TBXAS1: variants seen among roughly 807,000 people sequenced by gnomAD.
TBXAS1 encodes thromboxane A synthase 1.
In TBXAS1, 48 loss-of-function variants were observed where a neutral mutation model predicts 60.7. That is an observed-to-expected ratio of 0.79 (90% CI 0.63 to 1.01). TBXAS1 has a LOEUF of 1.01. TBXAS1 is among the 50% of genes least tolerant of loss of function. TBXAS1 has a pLI of 0.00. For missense variants in TBXAS1, 685 were observed against 686.3 expected (o/e 1.00, Z 0.02); for synonymous variants, 287 against 269.7 (o/e 1.06, Z -0.63).
chr7:139,976,684 G>A (rs764462396), intron 9 of TBXAS1, among the ~76,000 whole-genome samples: 6 of 152,098 alleles, frequency 3.9e-5, no homozygotes, highest in Non-Finnish European at 7.4e-5. Context: ...ATTGGGTTCC[G>A]CCCCTGGAGA....
At chr7:139,940,582 C>T (rs981386542) in intron 5 of TBXAS1, among the ~76,000 whole-genome samples, 2 of 152,118 alleles carry the variant, frequency 1.3e-5, no homozygotes, top group African/African-American at 4.8e-5. Flanking sequence ...CCACCTCAGA[C>T]CGACTACATC....
At chr7:139,935,525 C>A (rs891904984) in intron 4 of TBXAS1, among the ~76,000 whole-genome samples, 2 of 152,122 alleles carry the variant, frequency 1.3e-5, no homozygotes, top group Non-Finnish European at 2.9e-5. Context: ...AGGATTTAAA[C>A]ATATGAAGTT....
chr7:139,872,543 A>G (rs1801900720), intron 2 of TBXAS1, among the ~76,000 whole-genome samples: 1 of 152,224 alleles, frequency 6.6e-6, no homozygotes, highest in Non-Finnish European at 1.5e-5. Flanking sequence ...AATCCCAGCT[A>G]CTTGGGAGGC....
Position 139,901,915 on chromosome 7 carries a change from C to T in TBXAS1, c.237-9310C>T, listed in dbSNP as rs183555078. On this transcript the variant is annotated intron_variant, in intron 3 of 12. Coordinates refer to ENST00000448866, the MANE Select transcript of TBXAS1 (RefSeq NM_001061.7). ...GGCTGTGAATTTAGAGTTTATTAAG[C>T]TCCCCAGTGACTTTTTAAAAATTTT... Among the ~76,000 whole-genome samples the T allele has an allele frequency of 2.1e-3, 316 of 152,002 alleles. 5 individuals are homozygous for T. The highest frequency in any genetic ancestry group is 7.5e-3 in the African/African-American group (309 of 41,336).
rs1028573310 is a variant in TBXAS1 at position 139,999,415 on chromosome 7, T to C, written c.1135-7676T>C. ...GGTGAGCGCCTGTAATTCCAGCTAC[T>C]TGGGAGGCTGACGCATGAGACTCGC... is the stretch of plus-strand genomic sequence containing the variant. On this transcript the variant is annotated intron_variant, in intron 9 of 12. Coordinates refer to ENST00000448866, the MANE Select transcript of TBXAS1 (RefSeq NM_001061.7). The surrounding 1 kb of genome is among the most constrained non-coding windows in gnomAD (Gnocchi z 4.3). 2.6e-5 allele frequency among the ~76,000 whole-genome samples: 4 copies of C among 152,122 alleles called. No individual in the cohort carries two copies. Among genetic ancestry groups the C allele is most frequent in the Non-Finnish European group, 5.9e-5 (4 of 68,032 alleles).
chr7:139,840,202 A>G (rs1338152623), intron 1 of TBXAS1, among the ~76,000 whole-genome samples: 1 of 152,100 alleles, frequency 6.6e-6, no homozygotes, highest in Admixed American at 6.6e-5. Flanking sequence ...CTAGACCCAC[A>G]TCTACTCCAG....
intron 3 of TBXAS1, among the ~76,000 whole-genome samples, chr7:139,897,811 G>T (rs1804229128): frequency 6.6e-6 from 1 of 152,170 alleles, no homozygotes; most frequent in East Asian, 1.9e-4. Context: ...CCTGCTCAGA[G>T]TGACAGACAG....
chr7:139,780,279 A>C (rs1445179316), intron 1 of TBXAS1, among the ~76,000 whole-genome samples: 1 of 152,178 alleles, frequency 6.6e-6, no homozygotes, highest in Non-Finnish European at 1.5e-5. Context: ...TGCTGCCATA[A>C]TGGCAGTGTA....
intron 4 of TBXAS1, among the ~76,000 whole-genome samples, chr7:139,809,381 A>T (rs1797973221): frequency 6.7e-6 from 1 of 149,598 alleles, no homozygotes; most frequent in African/African-American, 2.5e-5. Context: ...GACAGAACCA[A>T]CAGGAGATAG....
upstream of TBXAS1, among the ~76,000 whole-genome samples, chr7:139,828,093 C>A (rs1181237445): frequency 2.6e-5 from 4 of 152,146 alleles, no homozygotes. Context: ...TTTTAGAATT[C>A]TCTTCTTCCT....
chr7:139,815,374 A>G (rs972932490), intron 4 of TBXAS1, among the ~76,000 whole-genome samples: 16 of 152,200 alleles, frequency 1.1e-4, no homozygotes, highest in African/African-American at 3.9e-4. Context: ...AGTAGGAAGA[A>G]TAATTTGGTC....
At chr7:139,991,358 C>A (rs1812888499) in intron 9 of TBXAS1, among the ~76,000 whole-genome samples, 1 of 150,782 alleles carries the variant, frequency 6.6e-6, no homozygotes, top group Non-Finnish European at 1.5e-5. Flanking sequence ...CCACGGTGCC[C>A]ACACTTCCCT....
At chr7:139,828,951 A>G (rs1347246874), upstream of TBXAS1, among the ~76,000 whole-genome samples, 1 of 152,210 alleles carries the variant, frequency 6.6e-6, no homozygotes, top group Non-Finnish European at 1.5e-5. Context: ...TTAAAAAATT[A>G]TAGATGGATG....
intron 1 of TBXAS1, among the ~76,000 whole-genome samples, chr7:139,871,788 G>A (rs1489437718): frequency 6.6e-6 from 1 of 152,140 alleles, no homozygotes. Context: ...GGCAGGGAGG[G>A]GTTAGTCTTG....
rs1261434851 is a variant in TBXAS1, at chr7:140,004,928, C to T, written c.1135-2163C>T. On this transcript the variant is annotated intron_variant, in intron 9 of 12. Coordinates refer to ENST00000448866, the MANE Select transcript of TBXAS1 (RefSeq NM_001061.7). The surrounding 1 kb of genome is among the most constrained non-coding windows in gnomAD (Gnocchi z 5.1). Reference sequence around the variant, plus strand: ...CAGGGACGGCCACCACCATGCCAACCCGAGATGCTGCAGGGTGCATGCACC... The same window carrying T: ...CAGGGACGGCCACCACCATGCCAACTCGAGATGCTGCAGGGTGCATGCACC... Among the ~76,000 whole-genome samples the T allele has an allele frequency of 2.0e-5, 3 of 152,220 alleles. No individual in the cohort carries two copies.
Position 139,833,509 on chromosome 7 carries a change from CAAAAAAAAAAAAAA to C in TBXAS1, c.89+4043_89+4056del, listed in dbSNP as rs56291914. On this transcript the variant is annotated intron_variant, in intron 1 of 12. Coordinates refer to ENST00000448866, the MANE Select transcript of TBXAS1 (RefSeq NM_001061.7). ...TGAAACCCCGTCTCTACTAAAAATA[CAAAAAAAAAAAAAA>C]AAAAAAAAAAAATTAGAGGGGTGTG... Among the ~76,000 whole-genome samples the C allele has an allele frequency of 4.0e-5, 3 of 74,410 alleles. 1 individual carries two copies. The highest frequency in any genetic ancestry group is 8.1e-5 in the African/African-American group (2 of 24,816). The allele number at this position is 74,410 out of a possible 152,430, so 48.8% of individuals were successfully genotyped here.
chr7:139,845,359 G>A (rs763262503), intron 1 of TBXAS1, among the ~76,000 whole-genome samples: 2 of 152,094 alleles, frequency 1.3e-5, no homozygotes, highest in Non-Finnish European at 2.9e-5. Context: ...CCTGGTGCCT[G>A]GCTCCCAGGT....
chr7:139,820,898 G>A (rs1393615782), intron 4 of TBXAS1, among the ~76,000 whole-genome samples: 2 of 152,194 alleles, frequency 1.3e-5, no homozygotes, highest in East Asian at 1.9e-4. Context: ...AAACCATGGA[G>A]CTGATATTTG....
Position 139,884,503 on chromosome 7 carries a change from C to G in TBXAS1, c.236+8866C>G, listed in dbSNP as rs551050354. Among the ~76,000 whole-genome samples, 24 of 152,304 alleles carry G rather than the reference C, an allele frequency of 1.6e-4. No homozygotes were observed. The East Asian group carries it at 4.0e-3, about 26-fold the overall frequency. ...GAATGGCCTGGAAACTGGAAATAAT[C>G]CCATTTGCCGGGGTAAGCTAGCTGT... On this transcript the variant is annotated intron_variant, in intron 3 of 12. Transcript: ENST00000448866.
Sources: gnomAD v4.1 joint callset for allele counts (sites outside exome capture counted in the v4.1 genomes callset) on GRCh38, gnomAD v4.1.1 for gene constraint, Gnocchi (gnomAD v3.1) non-coding constraint, MANE v1.5 for transcripts, NCBI Gene and HGNC (gene_info 2026-07-23, HGNC 2026-07-21) for gene names.